PTER: variants seen among roughly 807,000 people sequenced by gnomAD.
PTER encodes phosphotriesterase related, also known as N-acetyltaurine hydrolase.
A neutral mutation model predicts 29.6 loss-of-function variants in PTER; 38 were observed. That is an observed-to-expected ratio of 1.28 (90% CI 0.99 to 1.68). The LOEUF is 1.68. PTER is among the 40% of genes most tolerant of loss of function. The probability of loss-of-function intolerance (pLI) is 0.00; values close to 1 mark genes in which losing one functional copy is unlikely to be tolerated. For synonymous variants in PTER, 172 were observed against 154.5 expected, an observed-to-expected ratio of 1.11 and a Z score of -0.84; for missense variants, 482 against 427.8, an observed-to-expected ratio of 1.13 and a Z score of -1.12.
At chr10:16,501,069 C>G (rs1316178646) in intron 3 of PTER, among the ~76,000 whole-genome samples, 3 of 152,008 alleles carry the variant, frequency 2.0e-5, no homozygotes, top group African/African-American at 7.2e-5. Flanking sequence ...GTAGCTGGGA[C>G]TGCAGCACGT....
intron 1 of PTER, among the ~76,000 whole-genome samples, chr10:16,477,258 C>CGATA (rs56294482): frequency 0.11 from 16,711 of 147,892 alleles, 1,142 homozygotes; most frequent in African/African-American, 0.19. Context: ...TTCTGTCTTT[C>CGATA]GATAGATAGA....
chr10:16,504,667 A>C (rs1012094559), intron 3 of PTER, among the ~76,000 whole-genome samples: 2 of 152,180 alleles, frequency 1.3e-5, no homozygotes, highest in East Asian at 3.8e-4. Context: ...AGAGGATGAA[A>C]ATTTACCCCA....
chr10:16,506,187 C>A (rs1836555800), intron 4 of PTER, among the ~76,000 whole-genome samples: 1 of 152,094 alleles, frequency 6.6e-6, no homozygotes, highest in African/African-American at 2.4e-5. Context: ...ATTTTATAAA[C>A]AGAGTGCAAT....
At chr10:16,503,441 G>T (rs559102248) in intron 3 of PTER, among the ~76,000 whole-genome samples, 11 of 152,024 alleles carry the variant, frequency 7.2e-5, no homozygotes, top group African/African-American at 2.7e-4. Flanking sequence ...GTCTCACTCT[G>T]TTGCCCAGGC....
At chr10:16,448,631 C>T (rs537912935) in intron 1 of PTER, among the ~76,000 whole-genome samples, 1 of 152,260 alleles carries the variant, frequency 6.6e-6, no homozygotes, top group East Asian at 1.9e-4. Context: ...AATATCTCAC[C>T]AATAAGTCTG....
At chr10:16,474,454 T>C (rs1290298675) in intron 1 of PTER, among the ~76,000 whole-genome samples, 4 of 152,178 alleles carry the variant, frequency 2.6e-5, no homozygotes, top group Non-Finnish European at 4.4e-5. Flanking sequence ...TTTTTTTTAG[T>C]GTAAAATCTT....
intron 3 of PTER, among the ~76,000 whole-genome samples, chr10:16,501,833 A>G (rs1381625361): frequency 2.0e-5 from 3 of 152,200 alleles, no homozygotes; most frequent in Non-Finnish European, 2.9e-5. Flanking sequence ...GTGACTATCT[A>G]ATCAAGTCCC....
chr10:16,515,232 A>G (rs932059817), downstream of PTER, among the ~76,000 whole-genome samples: 4 of 151,654 alleles, frequency 2.6e-5, no homozygotes, highest in South Asian at 6.3e-4. Flanking sequence ...AAGAAAAAAA[A>G]AAAAAAGAAA....
intron 1 of PTER, among the ~76,000 whole-genome samples, chr10:16,453,804 A>G (rs1428631697): frequency 6.6e-6 from 1 of 152,202 alleles, no homozygotes; most frequent in African/African-American, 2.4e-5. Context: ...TGTAATATTT[A>G]AACAGATGTG....
intron 3 of PTER, 104 bp downstream of exon 3, chr10:16,486,721 G>A (rs1304248285): frequency 2.4e-6 from 3 of 1,263,268 alleles, no homozygotes; most frequent in Non-Finnish European, 3.3e-6. Context: ...ATCACGCAGA[G>A]AAAACCACTA....
rs886815609 is a variant in PTER at position 16,457,336 on chromosome 10, C to A, written c.-49+20289C>A. Among the ~76,000 whole-genome samples the A allele has an allele frequency of 2.6e-5, 4 of 152,078 alleles. No homozygotes were observed. In the South Asian group the frequency reaches 8.3e-4, roughly 32 times the overall value. On this transcript the variant is annotated intron_variant, in intron 1 of 4. Coordinates refer to ENST00000535784, the MANE Select transcript of PTER (RefSeq NM_001261836.2). The stretch of plus-strand genomic sequence containing the variant: ...CACGCCATTCTCCTGCCTCAGCCTC[C>A]CGAGTAGCTGGGACTACAGGCGCCC...
intron 1 of PTER, among the ~76,000 whole-genome samples, chr10:16,472,305 C>T (rs1835081940): frequency 6.6e-6 from 1 of 152,050 alleles, no homozygotes; most frequent in Non-Finnish European, 1.5e-5. Context: ...TCATGTATGC[C>T]TCATACGGAT....
chr10:16,471,540 C>T (rs1379013292), intron 1 of PTER, among the ~76,000 whole-genome samples: 2 of 152,258 alleles, frequency 1.3e-5, no homozygotes, highest in Middle Eastern at 3.4e-3. Context: ...CTGTTAAGTC[C>T]TATTTATGTG....
chr10:16,440,471 T>C (rs1399207048), intron 1 of PTER, among the ~76,000 whole-genome samples: 2 of 152,244 alleles, frequency 1.3e-5, no homozygotes, highest in Non-Finnish European at 2.9e-5. Context: ...AAACTGGCTC[T>C]GTGGTTGTAC....
chr10:16,476,736 T>A lies in PTER; in HGVS notation c.-48-7601T>A, dbSNP rs936679449. Among the ~76,000 whole-genome samples, 36 of 151,640 alleles carry A rather than the reference T, an allele frequency of 2.4e-4. 1 individual carries two copies. The highest frequency in any genetic ancestry group is 7.2e-4 in the Admixed American group (11 of 15,210). ...ACAGGAGTGCCCCACCATGCCCAGC[T>A]AATTTTTGTAGAGACAAGGTGTTGC... On this transcript the variant is annotated intron_variant, in intron 1 of 4. Transcript: ENST00000535784.
intron 1 of PTER, among the ~76,000 whole-genome samples, chr10:16,480,527 C>T (rs554671363): frequency 3.9e-5 from 6 of 152,098 alleles, no homozygotes; most frequent in African/African-American, 9.6e-5. Flanking sequence ...AATTGTTAGA[C>T]GAGTACCTTC....
In PTER at chr10:16,505,062, T is replaced by A; in HGVS notation, c.741T>A (p.Leu247=). 6.2e-7 allele frequency: 1 copy of A among 1,614,048 alleles called. No individual in the cohort carries two copies. Among genetic ancestry groups the A allele is most frequent in the Non-Finnish European group, 8.5e-7 (1 of 1,179,920 alleles). The part of the protein sequence containing the change: ...DKKELLEFAQ[L]GCYLEYDLFG... ...AAGAGCTCTTGGAGTTTGCTCAACT[T>A]GGCTGCTACTTGGAATATGATCTCT... The change falls in exon 4 of 5, where the codon CTT becomes CTA. Residue 247 remains leucine (L), a synonymous_variant. Coordinates refer to ENST00000535784, the MANE Select transcript of PTER (RefSeq NM_001261836.2).
At chr10:16,463,981 C>T (rs1834718888) in intron 1 of PTER, among the ~76,000 whole-genome samples, 1 of 152,114 alleles carries the variant, frequency 6.6e-6, no homozygotes, top group Non-Finnish European at 1.5e-5. Flanking sequence ...GTACATCCGA[C>T]GGTCCGGTCT....
rs41289295 is a variant in PTER, at chr10:16,510,971, A to T, written c.840-75A>T. On this transcript the variant is annotated intron_variant, in intron 4 of 4. Coordinates refer to ENST00000535784, the MANE Select transcript of PTER (RefSeq NM_001261836.2). ...TTACGACAAGCACAATAGGTTAATG[A>T]GTAAAAAGTTGAAAGCATCCTGAAA... is the stretch of plus-strand genomic sequence containing the variant. 4.0e-3 allele frequency: 4,977 copies of T among 1,231,136 alleles called. 17 individuals are homozygous for T. Among genetic ancestry groups the T allele is most frequent in the Non-Finnish European group, 4.9e-3 (4,192 of 858,822 alleles). 76.3% of individuals were successfully genotyped at this position (1,231,136 alleles called of 1,614,324 possible).
Sources: gnomAD v4.1 joint callset for allele counts (sites outside exome capture counted in the v4.1 genomes callset) on GRCh38, gnomAD v4.1.1 for gene constraint, MANE v1.5 for transcripts, NCBI Gene and HGNC (gene_info 2026-07-23, HGNC 2026-07-21) for gene names.